The following WDR25 variants were observed in gnomAD, a reference collection of about 807,000 sequenced individuals.
WDR25 encodes WD repeat-containing protein 25.
A neutral mutation model predicts 47.7 loss-of-function variants in WDR25; 35 were observed. That is an observed-to-expected ratio of 0.73 (90% CI 0.56 to 0.97). WDR25 has a LOEUF of 0.97. Among genes scored for constraint, WDR25 ranks in the 50% least tolerant of loss-of-function variants. WDR25 has a pLI of 0.00. For missense variants in WDR25, 634 were observed against 704.7 expected, an observed-to-expected ratio of 0.90 and a Z score of 1.14; for synonymous variants, 248 against 278.9, an observed-to-expected ratio of 0.89 and a Z score of 1.10.
intron 2 of WDR25, among the ~76,000 whole-genome samples, chr14:100,423,821 G>C (rs536192278): frequency 2.4e-4 from 37 of 152,316 alleles, no homozygotes; most frequent in African/African-American, 8.7e-4. Context: ...CACTGAGTCA[G>C]CCCAGGTCTT....
rs930783551 is a variant in WDR25 at position 100,418,493 on chromosome 14, G to A, written c.822+36747G>A. ...CTAAAAATACAAAAATTAGCTGGGC[G>A]TGGTGGTGCACACCTGTACAAGTCC... is the stretch of plus-strand genomic sequence containing the variant. On this transcript the variant is annotated intron_variant, in intron 2 of 6. Coordinates refer to ENST00000402312, the MANE Select transcript of WDR25 (RefSeq NM_001161476.3). Among the ~76,000 whole-genome samples, 8 of 152,036 alleles carry A rather than the reference G, an allele frequency of 5.3e-5. No individual in the cohort carries two copies. In the East Asian group the frequency reaches 5.9e-4, roughly 11 times the overall value.
At chr14:100,474,443 C>T (rs963651417) in intron 3 of WDR25, among the ~76,000 whole-genome samples, 1 of 152,182 alleles carries the variant, frequency 6.6e-6, no homozygotes, top group African/African-American at 2.4e-5. Flanking sequence ...TTGTTCATGA[C>T]CGTGACTGCA....
intron 2 of WDR25, among the ~76,000 whole-genome samples, chr14:100,421,072 T>A (rs963363762): frequency 2.6e-5 from 4 of 152,218 alleles, no homozygotes; most frequent in African/African-American, 7.2e-5. Context: ...TGCATGTCCC[T>A]CGTCTGCAAC....
At chr14:100,472,147 T>C (rs570486687) in intron 3 of WDR25, among the ~76,000 whole-genome samples, 70 of 152,342 alleles carry the variant, frequency 4.6e-4, no homozygotes, top group African/African-American at 1.5e-3. Flanking sequence ...TGTAGAGGCA[T>C]GCAGGGCCTC....
At position 100,529,594 on chromosome 14, in the gene WDR25, T is replaced by C; in HGVS notation, c.1414-226T>C. The C allele has an allele frequency of 3.3e-6, 2 of 611,344 alleles. No homozygotes were observed. Among genetic ancestry groups the C allele is most frequent in the Non-Finnish European group, 5.7e-6 (2 of 349,054 alleles). 37.9% of individuals were successfully genotyped at this position (611,344 alleles called of 1,614,324 possible). A position where few individuals can be genotyped will look rare whatever the true frequency, so the allele number is the denominator to read the frequency against. ...CTGAGGCCAGACCCCTCAGCTGGGC[T>C]GGAGCTGGTCCCGCTGGATCTGCTG... On this transcript the variant is annotated intron_variant, in intron 6 of 6. Coordinates refer to ENST00000402312, the MANE Select transcript of WDR25 (RefSeq NM_001161476.3). This position sits in a 1 kb window ranked among gnomAD's most constrained non-coding sequence, Gnocchi z 5.1.
rs201592495 is a variant in WDR25 at position 100,491,080 on chromosome 14, C to G, written c.1101+6956C>G. 2.6e-5 allele frequency among the ~76,000 whole-genome samples: 4 copies of G among 152,300 alleles called. No individual in the cohort carries two copies. In the East Asian group the frequency reaches 7.7e-4, roughly 29 times the overall value. On this transcript the variant is annotated intron_variant, in intron 4 of 6. Coordinates refer to ENST00000402312, the MANE Select transcript of WDR25 (RefSeq NM_001161476.3). ...GACGTGGTGGAGCCCCTGATGATCT[C>G]GAGAGCCCCTTTCAGCAGCCAGTGC...
At chr14:100,434,262 C>A (rs552367600) in intron 2 of WDR25, among the ~76,000 whole-genome samples, 1 of 152,294 alleles carries the variant, frequency 6.6e-6, no homozygotes, top group African/African-American at 2.4e-5. Context: ...ACACTGATGT[C>A]TCTAATCCTG....
At chr14:100,401,850 A>G (rs1157330530) in intron 2 of WDR25, among the ~76,000 whole-genome samples, 1 of 151,846 alleles carries the variant, frequency 6.6e-6, no homozygotes, top group Non-Finnish European at 1.5e-5. Context: ...GGCACTTGCC[A>G]TTTTCTCTGT....
At chr14:100,466,707 T>C (rs1402308939) in intron 2 of WDR25, among the ~76,000 whole-genome samples, 1 of 152,178 alleles carries the variant, frequency 6.6e-6, no homozygotes. Flanking sequence ...TGGGAGGCAC[T>C]CCGTTCTGAC....
intron 2 of WDR25, among the ~76,000 whole-genome samples, chr14:100,414,140 C>T (rs746528249): frequency 3.3e-5 from 5 of 151,428 alleles, no homozygotes; most frequent in Non-Finnish European, 5.9e-5. Context: ...GGACTACAGG[C>T]GTGCACCACC....
At position 100,392,392 on chromosome 14, in the gene WDR25, G is replaced by A. The variant is rs1555386530; in HGVS notation, c.822+10646G>A. On this transcript the variant is annotated intron_variant, in intron 2 of 6. Coordinates refer to ENST00000402312, the MANE Select transcript of WDR25 (RefSeq NM_001161476.3). The surrounding 1 kb of genome is among the most constrained non-coding windows in gnomAD (Gnocchi z 4.2). ...TTCTGCTTGGTTAGCTCTCCAAACT[G>A]TGTGATGAAAACGTGATCCCAGGGG... 6.6e-6 allele frequency among the ~76,000 whole-genome samples: 1 copy of A among 151,620 alleles called. No homozygotes were observed. The highest frequency in any genetic ancestry group is 1.5e-5 in the Non-Finnish European group (1 of 67,950).
intron 4 of WDR25, among the ~76,000 whole-genome samples, chr14:100,503,399 A>G (rs962373337): frequency 2.0e-5 from 3 of 152,076 alleles, no homozygotes; most frequent in African/African-American, 7.2e-5. Flanking sequence ...AATGCTAATG[A>G]ATTTAGAGAG....
In WDR25 at chr14:100,449,856, G is replaced by A. The variant is rs1249259729; in HGVS notation, c.823-18165G>A. 1.3e-5 allele frequency among the ~76,000 whole-genome samples: 2 copies of A among 152,156 alleles called. No individual in the cohort carries two copies. The highest frequency in any genetic ancestry group is 4.8e-5 in the African/African-American group (2 of 41,440). The stretch of plus-strand genomic sequence containing the variant: ...CTCTGCTATGGTGTGATCAGAAGGG[G>A]GCTGTCTCCTGCTGTTACGCCATGT... On this transcript the variant is annotated intron_variant, in intron 2 of 6. Coordinates refer to ENST00000402312, the MANE Select transcript of WDR25 (RefSeq NM_001161476.3). This position sits in a 1 kb window ranked among gnomAD's most constrained non-coding sequence, Gnocchi z 4.2.
rs796945263 is a variant in WDR25, at chr14:100,478,572, AC to A, written c.971-5419del. 3.3e-5 allele frequency among the ~76,000 whole-genome samples: 5 copies of A among 152,348 alleles called. No homozygotes were observed. The East Asian group carries it at 9.6e-4, about 29-fold the overall frequency. ...AAATTTAAAAATCTTGTAGTTTTGA[AC>A]CCTTTTAACAAAGAAAAGCAGTAAG... On this transcript the variant is annotated intron_variant, in intron 3 of 6. Transcript: ENST00000402312.
intron 4 of WDR25, among the ~76,000 whole-genome samples, chr14:100,504,270 T>C (rs1901039773): frequency 6.6e-6 from 1 of 152,246 alleles, no homozygotes; most frequent in Admixed American, 6.5e-5. Context: ...TGTCTCATAA[T>C]TTGCTTTAAA....
chr14:100,381,476 G>T lies in WDR25; in HGVS notation c.552G>T (p.Arg184=), dbSNP rs1896894748. The part of the protein sequence containing the change: ...VPYTPRRLRQ[R]QALSTETGKG... ...ATACTCCCAGAAGACTAAGACAGCGGCAGGCATTAAGCACGGAGACAGGCA... is the reference window on the plus strand; with the variant it reads ...ATACTCCCAGAAGACTAAGACAGCGTCAGGCATTAAGCACGGAGACAGGCA... The change falls in exon 2 of 7, where the codon CGG becomes CGT. Residue 184 remains arginine, a synonymous_variant. Transcript: ENST00000402312. 9 of 1,614,048 alleles carry T rather than the reference G, an allele frequency of 5.6e-6. No individual in the cohort carries two copies. Among genetic ancestry groups the T allele is most frequent in the Non-Finnish European group, 7.6e-6 (9 of 1,180,038 alleles).
intron 2 of WDR25, among the ~76,000 whole-genome samples, chr14:100,426,130 A>G (rs1898161580): frequency 1.3e-5 from 2 of 152,200 alleles, no homozygotes; most frequent in East Asian, 1.9e-4. Flanking sequence ...CTGGCCCACT[A>G]ACTCTTGTGG....
Position 100,429,376 on chromosome 14 carries a change from AGAG to A in WDR25, c.823-38641_823-38639del, listed in dbSNP as rs1171953060. ...GCATGCAGGACCTGGAGTGAAAGAAAGAGGAGAAGAAGTTGCCTCCTTGGGCCA... is the reference window on the plus strand; with the variant it reads ...GCATGCAGGACCTGGAGTGAAAGAAAGAGAAGAAGTTGCCTCCTTGGGCCA... On this transcript the variant is annotated intron_variant, in intron 2 of 6. Coordinates refer to ENST00000402312, the MANE Select transcript of WDR25 (RefSeq NM_001161476.3). 5.3e-5 allele frequency among the ~76,000 whole-genome samples: 8 copies of A among 152,318 alleles called. No homozygotes were observed. The East Asian group carries it at 1.5e-3, about 29-fold the overall frequency.
chr14:100,441,974 T>C (rs1264948206), intron 2 of WDR25, among the ~76,000 whole-genome samples: 1 of 152,132 alleles, frequency 6.6e-6, no homozygotes, highest in Non-Finnish European at 1.5e-5. Context: ...GGGTCACACA[T>C]AGAGAGAGGC....
Sources: gnomAD v4.1 joint callset for allele counts (sites outside exome capture counted in the v4.1 genomes callset) on GRCh38, gnomAD v4.1.1 for gene constraint, Gnocchi (gnomAD v3.1) non-coding constraint, MANE v1.5 for transcripts, NCBI Gene and HGNC (gene_info 2026-07-23, HGNC 2026-07-21) for gene names.